HTR7: variants seen among roughly 807,000 people sequenced by gnomAD.
HTR7 encodes 5-hydroxytryptamine receptor 7.
HTR7 carries 16 observed loss-of-function variants against 34.0 expected under a neutral mutation model. The observed-to-expected ratio is 0.47, with a 90% CI of 0.32 to 0.71. HTR7 has a LOEUF of 0.71. HTR7 is among the 30% of genes least tolerant of loss of function. HTR7 has a pLI of 0.04. For missense variants in HTR7, 504 were observed against 625.5 expected (o/e 0.81, Z 2.07); for synonymous variants, 265 against 260.2 (o/e 1.02, Z -0.18).
intron 1 of HTR7, among the ~76,000 whole-genome samples, chr10:90,763,281 CATTT>C (rs1270441496): frequency 6.6e-6 from 1 of 152,108 alleles, no homozygotes; most frequent in East Asian, 1.9e-4. Context: ...GGTATCTAGA[CATTT>C]ATTTGTGTCT....
In HTR7 at chr10:90,831,278, C is replaced by T. The variant is rs551076468; in HGVS notation, c.539+25855G>A. On this transcript the variant is annotated intron_variant, in intron 1 of 3. Transcript: ENST00000336152. ...GCAGCGTGTCCGGAGTTTGTTCCTT[C>T]TGATGTTCGGCTGTGTTCGGAGTTT... Among the ~76,000 whole-genome samples the T allele has an allele frequency of 3.9e-5, 6 of 152,254 alleles. No individual in the cohort carries two copies. The South Asian group carries it at 1.2e-3, about 32-fold the overall frequency.
At chr10:90,771,687 G>A (rs1460932490) in intron 1 of HTR7, among the ~76,000 whole-genome samples, 1 of 152,190 alleles carries the variant, frequency 6.6e-6, no homozygotes, top group Non-Finnish European at 1.5e-5. Flanking sequence ...GCAGTGGCCA[G>A]ACCCCACATT....
intron 1 of HTR7, among the ~76,000 whole-genome samples, chr10:90,834,807 G>T (rs1419064149): frequency 3.9e-5 from 6 of 152,108 alleles, no homozygotes; most frequent in Non-Finnish European, 8.8e-5. Context: ...GATCCCATTA[G>T]GTAAAGCAAG....
chr10:90,748,922 C>T lies in HTR7; in HGVS notation c.1212G>A (p.Arg404=), dbSNP rs749638693. The part of the protein sequence containing the change: ...TYRSLLQCQY[R]NINRKLSAAG... ...CAGCTGAGAGCTTCCGGTTGATATT[C>T]CGGTACTGGCACTGGAGCAGGCTGC... Residue 404 remains arginine, a synonymous_variant, in exon 2 of 4, where the codon CGG becomes CGA. Coordinates refer to ENST00000336152, the MANE Select transcript of HTR7 (RefSeq NM_019859.4). 14 of 1,614,194 alleles carry T rather than the reference C, an allele frequency of 8.7e-6. No homozygotes were observed. The highest frequency in any genetic ancestry group is 1.2e-5 in the Non-Finnish European group (14 of 1,180,016).
intron 1 of HTR7, among the ~76,000 whole-genome samples, chr10:90,821,361 T>C (rs1198450007): frequency 1.3e-5 from 2 of 152,166 alleles, no homozygotes; most frequent in Non-Finnish European, 2.9e-5. Flanking sequence ...GGACTTTGCA[T>C]TGGAACTCAG....
At chr10:90,855,225 A>G (rs1202455147) in intron 1 of HTR7, among the ~76,000 whole-genome samples, 1 of 152,276 alleles carries the variant, frequency 6.6e-6, no homozygotes, top group Non-Finnish European at 1.5e-5. Context: ...AGTTAACAAC[A>G]AAATCTTAAG....
chr10:90,832,228 T>C (rs1287373837), intron 1 of HTR7, among the ~76,000 whole-genome samples: 5 of 151,914 alleles, frequency 3.3e-5, no homozygotes, highest in Non-Finnish European at 5.9e-5. Flanking sequence ...GAGCAGGGGG[T>C]GGCACTCGTC....
intron 1 of HTR7, among the ~76,000 whole-genome samples, chr10:90,822,381 T>C (rs1845997980): frequency 6.6e-6 from 1 of 152,158 alleles, no homozygotes; most frequent in Non-Finnish European, 1.5e-5. Flanking sequence ...CTGTGGAACT[T>C]TGAGCTTGAG....
At chr10:90,764,301 G>T (rs1243284672) in intron 1 of HTR7, among the ~76,000 whole-genome samples, 3 of 144,074 alleles carry the variant, frequency 2.1e-5, no homozygotes, top group African/African-American at 8.2e-5. Context: ...TTTTTGATGG[G>T]GTTGCTTGTT....
chr10:90,814,568 G>T (rs575002917), intron 1 of HTR7, among the ~76,000 whole-genome samples: 1 of 152,296 alleles, frequency 6.6e-6, no homozygotes, highest in South Asian at 2.1e-4. Context: ...TTTTTAAATG[G>T]TTATTCTAAA....
intron 1 of HTR7, among the ~76,000 whole-genome samples, chr10:90,822,861 A>G (rs1846007577): frequency 6.6e-6 from 1 of 152,224 alleles, no homozygotes; most frequent in African/African-American, 2.4e-5. Flanking sequence ...AAAAGAGGCC[A>G]AGGTACAGTT....
At chr10:90,757,408 C>T (rs1014574375) in intron 1 of HTR7, among the ~76,000 whole-genome samples, 1 of 152,176 alleles carries the variant, frequency 6.6e-6, no homozygotes, top group African/African-American at 2.4e-5. Context: ...TGAGCTCAAC[C>T]AGGGGAGTAT....
chr10:90,786,934 C>A (rs1845388767), intron 1 of HTR7, among the ~76,000 whole-genome samples: 1 of 152,180 alleles, frequency 6.6e-6, no homozygotes. Context: ...GTCTGCGTTA[C>A]TGCATTTTCT....
intron 1 of HTR7, among the ~76,000 whole-genome samples, chr10:90,817,456 CAT>C (rs1399219949): frequency 6.6e-6 from 1 of 152,336 alleles, no homozygotes; most frequent in East Asian, 1.9e-4. Flanking sequence ...TTCCCTGAGA[CAT>C]ATGTTTCCTC....
chr10:90,768,256 A>G (rs1273339947), intron 1 of HTR7, among the ~76,000 whole-genome samples: 1 of 152,194 alleles, frequency 6.6e-6, no homozygotes, highest in South Asian at 2.1e-4. Context: ...CAAGTATTGC[A>G]ATAGCCTCTA....
chr10:90,829,317 C>T (rs1282845614), intron 1 of HTR7, among the ~76,000 whole-genome samples: 1 of 152,110 alleles, frequency 6.6e-6, no homozygotes, highest in East Asian at 1.9e-4. Flanking sequence ...AAGTGAAAAC[C>T]TTTTCTCTAA....
intron 1 of HTR7, among the ~76,000 whole-genome samples, chr10:90,785,367 T>G (rs142594558): frequency 7.2e-5 from 11 of 151,954 alleles, no homozygotes; most frequent in African/African-American, 2.7e-4. Context: ...AATATCTAAT[T>G]GACAATCTAA....
intron 1 of HTR7, among the ~76,000 whole-genome samples, chr10:90,836,256 A>G (rs78307094): frequency 0.016 from 2,441 of 152,222 alleles, 69 homozygotes; most frequent in African/African-American, 0.055. Flanking sequence ...GGTTTTTCCC[A>G]AAGGTAAACT....
At position 90,748,920 on chromosome 10, in the gene HTR7, T is replaced by G. The variant is rs780871493; in HGVS notation, c.1214A>C (p.Asn405Thr). ...TGCAGCTGAGAGCTTCCGGTTGATATTCCGGTACTGGCACTGGAGCAGGCT... is the reference window on the plus strand; with the variant it reads ...TGCAGCTGAGAGCTTCCGGTTGATAGTCCGGTACTGGCACTGGAGCAGGCT... ...YRSLLQCQYR[N>T]INRKLSAAGM... Residue 405 changes from asparagine (N) to threonine (T), a missense_variant, in exon 2 of 4, where the codon AAT becomes ACT. By Grantham distance (65) the Asn-to-Thr change is moderately conservative (BLOSUM62 0). Transcript: ENST00000336152. 2.5e-6 allele frequency: 4 copies of G among 1,614,054 alleles called. No homozygotes were observed. The African/African-American group carries it at 5.3e-5, about 22-fold the overall frequency.
Sources: allele counts gnomAD v4.1 joint callset (sites outside exome capture counted in the v4.1 genomes callset), GRCh38; gene constraint gnomAD v4.1.1; transcripts MANE v1.5; gene names NCBI Gene and HGNC (gene_info 2026-07-23, HGNC 2026-07-21).